Variants in TRPM2 observed in about 807,000 individuals in gnomAD.
The protein encoded by TRPM2 is estrogen-responsive element-associated gene 1 protein.
Under a neutral mutation model 174.0 loss-of-function variants are expected in TRPM2, and 161 were observed. The observed-to-expected ratio is 0.93, with a 90% CI of 0.81 to 1.05. The LOEUF (loss-of-function observed/expected upper bound fraction) is 1.05, where lower values mean the gene tolerates loss of function less well. Ranked by LOEUF, TRPM2 falls within the 50% of genes least tolerant of loss-of-function variation. The pLI is 0.00. For synonymous variants in TRPM2, 954 were observed against 861.3 expected, an observed-to-expected ratio of 1.11 and a Z score of -1.88; for missense variants, 2,057 against 2,038.0, an observed-to-expected ratio of 1.01 and a Z score of -0.18.
In TRPM2 at chr21:44,423,618, G is replaced by A. The variant is rs141197600; in HGVS notation, c.3462-27G>A. On this transcript the variant is annotated intron_variant, in intron 22 of 31. Coordinates refer to ENST00000397928, the MANE Select transcript of TRPM2 (RefSeq NM_003307.4). ...CCCAGGGCCCCAAGGTGTGGTGTGCGTCCAGCTCAGCTGCTTCCTCTTTCA... is the reference window on the plus strand; with the variant it reads ...CCCAGGGCCCCAAGGTGTGGTGTGCATCCAGCTCAGCTGCTTCCTCTTTCA... 5.6e-4 allele frequency: 895 copies of A among 1,599,380 alleles called. 6 individuals are homozygous for A. In the Middle Eastern group the frequency reaches 0.01, roughly 19 times the overall value.
chr21:44,392,435 T>A (rs1320710975), intron 11 of TRPM2, among the ~76,000 whole-genome samples: 1 of 151,768 alleles, frequency 6.6e-6, no homozygotes, highest in African/African-American at 2.4e-5. Flanking sequence ...TTTTTTTTTT[T>A]TATAATATTT....
rs2048004759 is a variant in TRPM2, at chr21:44,354,661, G to A, written c.179G>A (p.Ser60Asn). The stretch of plus-strand genomic sequence containing the variant: ...CTTTACCTTCAGCAAGAAAGCCTCA[G>A]TTCGTGGATTCCTGAAAACATCAAG... ...FGNNDKQESL[S>N]SWIPENIKKK... Residue 60 changes from serine (S) to asparagine (N), a missense_variant, in exon 2 of 32, where the codon AGT becomes AAT. Coordinates refer to ENST00000397928, the MANE Select transcript of TRPM2 (RefSeq NM_003307.4). This position sits in a 1 kb window ranked among gnomAD's most constrained non-coding sequence, Gnocchi z 4.3. The A allele has an allele frequency of 1.9e-6, 3 of 1,614,224 alleles. No individual in the cohort carries two copies. Among genetic ancestry groups the A allele is most frequent in the Non-Finnish European group, 2.5e-6 (3 of 1,180,038 alleles).
rs778538154 is a variant in TRPM2, at chr21:44,366,724, G to T, written c.424-30G>T. ...GCTGTCCCTGACCACTGACACACAGGTTCCCTCCGCCGTTTTCCCTTTCCC... is the reference window on the plus strand; with the variant it reads ...GCTGTCCCTGACCACTGACACACAGTTTCCCTCCGCCGTTTTCCCTTTCCC... On this transcript the variant is annotated intron_variant, in intron 3 of 31. Transcript: ENST00000397928. This position sits in a 1 kb window ranked among gnomAD's most constrained non-coding sequence, Gnocchi z 6.0. 6 of 1,613,046 alleles carry T rather than the reference G, an allele frequency of 3.7e-6. No individual in the cohort carries two copies. The highest frequency in any genetic ancestry group is 4.5e-5 in the East Asian group (2 of 44,868).
intron 5 of TRPM2, among the ~76,000 whole-genome samples, chr21:44,369,984 C>G (rs568229858): frequency 1.2e-4 from 15 of 128,764 alleles, no homozygotes; most frequent in African/African-American, 4.5e-4. Context: ...GTGTGGGTGA[C>G]GTCTGACCGG....
At chr21:44,380,103 G>A (rs184234711) in intron 8 of TRPM2, among the ~76,000 whole-genome samples, 231 of 152,314 alleles carry the variant, frequency 1.5e-3, no homozygotes, top group Non-Finnish European at 2.8e-3. Context: ...CAGGAACCAC[G>A]GGTGTCGGAA....
intron 27 of TRPM2, among the ~76,000 whole-genome samples, chr21:44,434,269 G>A (rs1269473550): frequency 1.3e-5 from 2 of 151,322 alleles, no homozygotes; most frequent in African/African-American, 2.4e-5. Context: ...GGACGCTGGC[G>A]GGGACTGTGG....
chr21:44,405,801 C>A, intron 17 of TRPM2, 104 bp from the exon 18 acceptor site: 1 of 1,438,692 alleles, frequency 7.0e-7, no homozygotes. Context: ...CCTTTGCCTC[C>A]AGGGCCCACC....
chr21:44,378,861 A>T, intron 7 of TRPM2, 136 bp from the exon 8 acceptor site: 1 of 954,752 alleles, frequency 1.0e-6, no homozygotes, highest in Non-Finnish European at 1.6e-6. Context: ...CCACGAAACT[A>T]ATAAGTGCTT....
chr21:44,364,875 C>T (rs1051151058), intron 3 of TRPM2, among the ~76,000 whole-genome samples: 6 of 152,220 alleles, frequency 3.9e-5, no homozygotes, highest in Admixed American at 6.5e-5. Context: ...TTCTCTCGTG[C>T]ACAACCTCAC....
chr21:44,435,076 T>C lies in TRPM2; in HGVS notation c.3975-55T>C, dbSNP rs1233829610. ...CCCCTCTCAGTCCCCCTCCCTGCCC[T>C]GTCCTGCTCCCCCATTGGTGGACGG... On this transcript the variant is annotated intron_variant, in intron 27 of 31. Transcript: ENST00000397928. The C allele has an allele frequency of 1.9e-6, 3 of 1,567,580 alleles. No individual in the cohort carries two copies. The Admixed American group carries it at 5.1e-5, about 27-fold the overall frequency.
intron 5 of TRPM2, among the ~76,000 whole-genome samples, chr21:44,373,636 C>CTGCATTATATG: frequency 3.6e-5 from 5 of 140,502 alleles, no homozygotes; most frequent in African/African-American, 1.2e-4. Context: ...TATATGCGAC[C>CTGCATTATATG]CGGATAGGCT....
Position 44,364,298 on chromosome 21 carries a change from T to C in TRPM2, c.423+16T>C, listed in dbSNP as rs771694756. On this transcript the variant is annotated intron_variant, in intron 3 of 31. Transcript: ENST00000397928. ...GGTGAAAAAGGTTGGTTTCCATCAC[T>C]CTCGCTCTGAACTGTAGGTGGAGCT... is the stretch of plus-strand genomic sequence containing the variant. The C allele has an allele frequency of 6.2e-7, 1 of 1,612,992 alleles. No individual in the cohort carries two copies.
intron 2 of TRPM2, among the ~76,000 whole-genome samples, chr21:44,359,993 A>C (rs926904039): frequency 6.6e-6 from 1 of 151,968 alleles, no homozygotes; most frequent in African/African-American, 2.4e-5. Flanking sequence ...TGACCCGCCC[A>C]CCTCAGCCTC....
chr21:44,365,922 G>A (rs1187755788), intron 3 of TRPM2, among the ~76,000 whole-genome samples: 4 of 152,246 alleles, frequency 2.6e-5, no homozygotes, highest in Non-Finnish European at 1.5e-5. Context: ...CACTGTGCTT[G>A]TGGGTTAACT....
In TRPM2 at chr21:44,439,129, C is replaced by T; in HGVS notation, c.4230C>T (p.His1410=). Residue 1410 remains histidine (H), a synonymous_variant, in exon 30 of 32, where the codon CAC becomes CAT. Coordinates refer to ENST00000397928, the MANE Select transcript of TRPM2 (RefSeq NM_003307.4). This position sits in a 1 kb window ranked among gnomAD's most constrained non-coding sequence, Gnocchi z 5.1. ...TGAAGCGGATCCTCCGGCAGGAGCA[C>T]TGGCCGTCTTTTGAAAACTTGCTGA... ...RKLKRILRQE[H]WPSFENLLKC... is the part of the protein sequence containing the mutation. The T allele has an allele frequency of 1.2e-6, 2 of 1,613,780 alleles. No individual in the cohort carries two copies. Among genetic ancestry groups the T allele is most frequent in the South Asian group, 1.1e-5 (1 of 91,084 alleles).
chr21:44,361,362 C>T (rs543218570), intron 2 of TRPM2, among the ~76,000 whole-genome samples: 9 of 152,266 alleles, frequency 5.9e-5, no homozygotes, highest in Non-Finnish European at 5.9e-5. Flanking sequence ...ATCCACTCGC[C>T]TTGGCCTCCC....
intron 2 of TRPM2, among the ~76,000 whole-genome samples, chr21:44,358,728 C>T (rs2048125408): frequency 6.6e-6 from 1 of 152,132 alleles, no homozygotes; most frequent in Non-Finnish European, 1.5e-5. Context: ...TAGGGAACTC[C>T]TTTCCCCACC....
Position 44,366,709 on chromosome 21 carries a change from A to G in TRPM2, c.424-45A>G, listed in dbSNP as rs1451585653. On this transcript the variant is annotated intron_variant, in intron 3 of 31. Transcript: ENST00000397928. The surrounding 1 kb of genome is among the most constrained non-coding windows in gnomAD (Gnocchi z 6.0). The stretch of plus-strand genomic sequence containing the variant: ...CCTGTGTGGGTCGGTGCTGTCCCTG[A>G]CCACTGACACACAGGTTCCCTCCGC... 1 of 1,611,930 alleles carries G rather than the reference A, an allele frequency of 6.2e-7. No individual in the cohort carries two copies. Among genetic ancestry groups the G allele is most frequent in the Non-Finnish European group, 8.5e-7 (1 of 1,179,644 alleles).
chr21:44,412,689 G>C (rs2050143891), intron 19 of TRPM2, among the ~76,000 whole-genome samples: 1 of 151,722 alleles, frequency 6.6e-6, no homozygotes, highest in Non-Finnish European at 1.5e-5. Context: ...GATGTTAGCT[G>C]CAGGGTTTTT....
Sources: allele counts gnomAD v4.1 joint callset (sites outside exome capture counted in the v4.1 genomes callset), GRCh38; gene constraint gnomAD v4.1.1; non-coding constraint Gnocchi (gnomAD v3.1); transcripts MANE v1.5; gene names NCBI Gene and HGNC (gene_info 2026-07-23, HGNC 2026-07-21).